CMSS1: variants seen among roughly 807,000 people sequenced by gnomAD.
CMSS1 encodes cms1 ribosomal small subunit homolog.
In CMSS1, 33 loss-of-function variants were observed where a neutral mutation model predicts 43.5. The ratio of observed to expected loss-of-function variants is 0.76; its 90% CI spans 0.57 to 1.01. The LOEUF is 1.01. Among genes scored for constraint, CMSS1 ranks in the 50% least tolerant of loss-of-function variants. The probability of loss-of-function intolerance (pLI) is 0.00; values close to 1 mark genes in which losing one functional copy is unlikely to be tolerated. For missense variants in CMSS1, 313 were observed against 326.4 expected (o/e 0.96, Z 0.32); for synonymous variants, 115 against 117.2 (o/e 0.98, Z 0.12).
At chr3:99,978,474 G>A (rs956515039) in intron 1 of CMSS1, among the ~76,000 whole-genome samples, 1 of 152,228 alleles carries the variant, frequency 6.6e-6, no homozygotes, top group Admixed American at 6.5e-5. Flanking sequence ...ATGAAATCTT[G>A]TCATTTGAGG....
intron 1 of CMSS1, among the ~76,000 whole-genome samples, chr3:99,864,726 C>T (rs993575446): frequency 1.5e-4 from 23 of 152,072 alleles, no homozygotes; most frequent in African/African-American, 4.8e-4. Context: ...CACTCACCAG[C>T]TTCTTTGCTA....
chr3:99,983,460 GTGTGTATATA>G lies in CMSS1; in HGVS notation c.65-163511_65-163502del, dbSNP rs1406505006. 8.4e-4 allele frequency among the ~76,000 whole-genome samples: 58 copies of G among 69,358 alleles called. 1 individual carries two copies. The highest frequency in any genetic ancestry group is 2.4e-3 in the African/African-American group (23 of 9,652). 45.5% of individuals were successfully genotyped at this position (69,358 alleles called of 152,430 possible). On this transcript the variant is annotated intron_variant, in intron 1 of 9. Coordinates refer to ENST00000421999, the MANE Select transcript of CMSS1 (RefSeq NM_032359.4). The stretch of plus-strand genomic sequence containing the variant: ...TATATATGTATGTATATATATATAT[GTGTGTATATA>G]TATATATATATATATATATATATAT...
At chr3:99,941,189 T>C (rs1211995413) in intron 1 of CMSS1, among the ~76,000 whole-genome samples, 1 of 152,144 alleles carries the variant, frequency 6.6e-6, no homozygotes, top group Admixed American at 6.5e-5. Context: ...ATTCCTTACG[T>C]CTTTTTTTTT....
intron 1 of CMSS1, among the ~76,000 whole-genome samples, chr3:99,845,013 A>G (rs559294889): frequency 2.8e-4 from 42 of 152,306 alleles, no homozygotes; most frequent in African/African-American, 1.0e-3. Context: ...ATAGCAGTAT[A>G]AAAATGGACT....
intron 1 of CMSS1, among the ~76,000 whole-genome samples, chr3:100,083,379 G>T (rs528614020): frequency 1.3e-5 from 2 of 152,212 alleles, no homozygotes; most frequent in African/African-American, 4.8e-5. Flanking sequence ...CTGGGAACTT[G>T]CAAGACATGA....
At position 100,096,267 on chromosome 3, in the gene CMSS1, C is replaced by T. The variant is rs190594233; in HGVS notation, c.65-50706C>T. Among the ~76,000 whole-genome samples the T allele has an allele frequency of 3.8e-4, 58 of 152,028 alleles. 1 individual carries two copies. Among genetic ancestry groups the T allele is most frequent in the African/African-American group, 1.4e-3 (57 of 41,454 alleles). On this transcript the variant is annotated intron_variant, in intron 1 of 9. Transcript: ENST00000421999. ...CAGCAATCCCACTACTAGGTACATA[C>T]CCCAAAGAAATGAAATCAGTATAGC...
chr3:99,974,669 T>C (rs1487427460), intron 1 of CMSS1, among the ~76,000 whole-genome samples: 2 of 152,142 alleles, frequency 1.3e-5, no homozygotes, highest in African/African-American at 4.8e-5. Flanking sequence ...GTCATGCCAT[T>C]GCACTCCAGC....
intron 1 of CMSS1, among the ~76,000 whole-genome samples, chr3:100,109,021 C>T (rs374824361): frequency 2.0e-5 from 3 of 150,804 alleles, no homozygotes; most frequent in African/African-American, 4.9e-5. Flanking sequence ...GTTTGACAGT[C>T]GGTATTATAC....
rs9816617 is a variant in CMSS1 at position 100,064,811 on chromosome 3, A to T, written c.65-82162A>T. The stretch of plus-strand genomic sequence containing the variant: ...CAATTTGACAAACAGCTAATTTTTT[A>T]AGGAATTCAGCAGTTGGATTTCCAC... On this transcript the variant is annotated intron_variant, in intron 1 of 9. Transcript: ENST00000421999. Among the ~76,000 whole-genome samples the T allele has an allele frequency of 4.9e-3, 750 of 152,130 alleles. 5 individuals carry two copies. Among genetic ancestry groups the T allele is most frequent in the African/African-American group, 0.017 (706 of 41,506 alleles).
chr3:99,928,580 A>C (rs1171502914), intron 1 of CMSS1, among the ~76,000 whole-genome samples: 1 of 152,216 alleles, frequency 6.6e-6, no homozygotes, highest in Non-Finnish European at 1.5e-5. Flanking sequence ...GCATGTGCAC[A>C]ATAGAATTAT....
At chr3:100,134,518 G>C (rs1009044094) in intron 1 of CMSS1, among the ~76,000 whole-genome samples, 1 of 152,160 alleles carries the variant, frequency 6.6e-6, no homozygotes, top group African/African-American at 2.4e-5. Context: ...TTGGACAGTA[G>C]TAATCCATAT....
Position 100,146,984 on chromosome 3 carries a change from G to T in CMSS1, c.76G>T (p.Gly26Cys). 2 of 1,613,604 alleles carry T rather than the reference G, an allele frequency of 1.2e-6. No individual in the cohort carries two copies. The highest frequency in any genetic ancestry group is 1.7e-6 in the Non-Finnish European group (2 of 1,179,626). The change falls in exon 2 of 10, where the codon GGT becomes TGT. Residue 26 changes from glycine to cysteine, a missense_variant. Coordinates refer to ENST00000421999, the MANE Select transcript of CMSS1 (RefSeq NM_032359.4). ...TTTATATTTTCTAGAAGCATCAGAT[G>T]GTGAAGGAGAAGGAGACACAGAAGT... is the stretch of plus-strand genomic sequence containing the variant. ...GAGSSPEASD[G>C]EGEGDTEVMQ...
chr3:99,961,631 AACCGAT>A (rs1708493886), intron 1 of CMSS1, among the ~76,000 whole-genome samples: 2 of 152,170 alleles, frequency 1.3e-5, no homozygotes, highest in African/African-American at 2.4e-5. Flanking sequence ...GGCTCCTGGG[AACCGAT>A]ACCTTTGGCC....
chr3:100,127,126 A>G (rs571655580), intron 1 of CMSS1, among the ~76,000 whole-genome samples: 2 of 152,360 alleles, frequency 1.3e-5, no homozygotes, highest in African/African-American at 2.4e-5. Flanking sequence ...CGTCCAGCAT[A>G]TTTGTGGGAC....
chr3:99,853,289 C>T (rs1226227085), intron 1 of CMSS1, among the ~76,000 whole-genome samples: 1 of 152,176 alleles, frequency 6.6e-6, no homozygotes, highest in Non-Finnish European at 1.5e-5. Flanking sequence ...AGCATAATTA[C>T]AGTGAAATAT....
intron 1 of CMSS1, among the ~76,000 whole-genome samples, chr3:100,019,329 C>T (rs769329988): frequency 7.3e-4 from 111 of 152,262 alleles, no homozygotes; most frequent in Non-Finnish European, 1.4e-3. Flanking sequence ...CACTGCACTC[C>T]AGCCTGGGTG....
chr3:99,828,591 C>G (rs985192365), intron 1 of CMSS1, among the ~76,000 whole-genome samples: 1 of 151,022 alleles, frequency 6.6e-6, no homozygotes, highest in East Asian at 1.9e-4. Context: ...GCTAGGACTA[C>G]AGGTGTGCAC....
chr3:100,152,544 C>T (rs1342883910), intron 2 of CMSS1, among the ~76,000 whole-genome samples: 2 of 152,108 alleles, frequency 1.3e-5, no homozygotes, highest in Non-Finnish European at 2.9e-5. Flanking sequence ...TTATTTAAAG[C>T]GCTCCTATGT....
chr3:100,126,736 T>C (rs578176083), intron 1 of CMSS1, among the ~76,000 whole-genome samples: 4 of 152,266 alleles, frequency 2.6e-5, no homozygotes, highest in African/African-American at 7.2e-5. Context: ...CGGTGGCTCA[T>C]GCCTGTAATC....
Sources: gnomAD v4.1 joint callset for allele counts (sites outside exome capture counted in the v4.1 genomes callset) on GRCh38, gnomAD v4.1.1 for gene constraint, MANE v1.5 for transcripts, NCBI Gene and HGNC (gene_info 2026-07-23, HGNC 2026-07-21) for gene names.